AMPH: variants seen among roughly 807,000 people sequenced by gnomAD.
AMPH encodes the protein amphiphysin (Stiff-Mann syndrome with breast cancer 128kD autoantigen).
Under a neutral mutation model 99.1 loss-of-function variants are expected in AMPH, and 49 were observed. That is an observed-to-expected ratio of 0.49 (90% CI 0.39 to 0.63). The LOEUF is 0.63. Ranked by LOEUF, AMPH falls within the 20% of genes least tolerant of loss-of-function variation. AMPH has a pLI of 0.00. For missense variants in AMPH, 759 were observed against 863.4 expected (o/e 0.88, Z 1.52); for synonymous variants, 314 against 317.3 (o/e 0.99, Z 0.11).
chr7:38,537,768 A>G (rs1465507260), intron 1 of AMPH, among the ~76,000 whole-genome samples: 1 of 152,226 alleles, frequency 6.6e-6, no homozygotes, highest in East Asian at 1.9e-4. Flanking sequence ...AGCTATCAGG[A>G]AAGTGGTCCT....
intron 3 of AMPH, among the ~76,000 whole-genome samples, chr7:38,502,787 G>T (rs947290039): frequency 1.3e-5 from 2 of 152,084 alleles, no homozygotes; most frequent in Non-Finnish European, 1.5e-5. Flanking sequence ...TGAACCTGGT[G>T]CCATCCCTAC....
intron 17 of AMPH, among the ~76,000 whole-genome samples, chr7:38,402,254 A>T (rs997004942): frequency 6.6e-6 from 1 of 151,966 alleles, no homozygotes; most frequent in Non-Finnish European, 1.5e-5. Flanking sequence ...CTTGAGTTTT[A>T]CTGACAACAA....
chr7:38,431,727 C>T (rs1487677913), intron 13 of AMPH, among the ~76,000 whole-genome samples: 1 of 151,864 alleles, frequency 6.6e-6, no homozygotes, highest in Non-Finnish European at 1.5e-5. Flanking sequence ...GGACTAAAAT[C>T]CAGGGCTATC....
At chr7:38,433,705 A>T (rs1584085312) in intron 12 of AMPH, among the ~76,000 whole-genome samples, 1 of 55,216 alleles carries the variant, frequency 1.8e-5, no homozygotes, top group Non-Finnish European at 3.2e-5. Context: ...AGCCTGGGCA[A>T]CAGAGCGAGA....
chr7:38,573,881 T>G (rs1792136995), intron 1 of AMPH, among the ~76,000 whole-genome samples: 1 of 152,210 alleles, frequency 6.6e-6, no homozygotes, highest in South Asian at 2.1e-4. Context: ...CATTTAATTT[T>G]CATGACTGTC....
intron 1 of AMPH, among the ~76,000 whole-genome samples, chr7:38,617,067 C>T (rs972248686): frequency 4.6e-5 from 7 of 152,156 alleles, no homozygotes; most frequent in African/African-American, 1.4e-4. Context: ...TGAAGCTGTA[C>T]GGCTAAGATT....
intron 11 of AMPH, among the ~76,000 whole-genome samples, chr7:38,440,639 A>G (rs748856802): frequency 1.1e-4 from 17 of 152,332 alleles, no homozygotes; most frequent in Admixed American, 2.6e-4. Flanking sequence ...AAAAAACAGA[A>G]GTGGAGAAAT....
At chr7:38,508,881 T>G (rs555427687) in intron 2 of AMPH, among the ~76,000 whole-genome samples, 62 of 152,314 alleles carry the variant, frequency 4.1e-4, no homozygotes, top group Non-Finnish European at 7.2e-4. Flanking sequence ...GGAGATGAGA[T>G]TTAATGAGGC....
chr7:38,550,224 C>T (rs1489576092), intron 1 of AMPH, among the ~76,000 whole-genome samples: 2 of 152,248 alleles, frequency 1.3e-5, no homozygotes, highest in East Asian at 3.8e-4. Flanking sequence ...TGGGTCCTCA[C>T]ACCAGCATCA....
intron 5 of AMPH, 26 bp downstream of exon 5, chr7:38,491,024 C>T (rs1353681203): frequency 6.7e-7 from 1 of 1,488,824 alleles, no homozygotes; most frequent in East Asian, 2.3e-5. Context: ...CTCAATCCTT[C>T]CCTTTATAGA....
At chr7:38,571,386 A>G (rs1401030813) in intron 1 of AMPH, among the ~76,000 whole-genome samples, 2 of 76,840 alleles carry the variant, frequency 2.6e-5, no homozygotes, top group Non-Finnish European at 4.6e-5. Context: ...TTATATATTT[A>G]TATATATTCT....
intron 1 of AMPH, among the ~76,000 whole-genome samples, chr7:38,547,733 A>G (rs1238621710): frequency 2.0e-5 from 3 of 152,230 alleles, no homozygotes. Flanking sequence ...ACATCAATCA[A>G]TATGTGTAAT....
At chr7:38,408,238 T>C (rs1584050919) in intron 17 of AMPH, among the ~76,000 whole-genome samples, 1 of 152,196 alleles carries the variant, frequency 6.6e-6, no homozygotes, top group Non-Finnish European at 1.5e-5. Context: ...GGTTCCCAAG[T>C]GATGTTTGAC....
intron 2 of AMPH, among the ~76,000 whole-genome samples, chr7:38,504,643 C>T (rs1375756304): frequency 6.6e-6 from 1 of 152,160 alleles, no homozygotes; most frequent in East Asian, 1.9e-4. Flanking sequence ...GGCGTTTATC[C>T]AATATCTCCT....
intron 18 of AMPH, 140 bp from the exon 19 acceptor site, chr7:38,392,157 GGC>G: frequency 7.5e-6 from 6 of 797,460 alleles, no homozygotes; most frequent in Non-Finnish European, 9.8e-6. Context: ...CTCAGGTCTG[GGC>G]CTTCCGCTGT....
chr7:38,629,568 A>T (rs1015784040), intron 1 of AMPH, among the ~76,000 whole-genome samples: 3 of 152,216 alleles, frequency 2.0e-5, no homozygotes, highest in Admixed American at 2.0e-4. Flanking sequence ...TATTTTGAGC[A>T]TATTAACAGC....
At chr7:38,552,443 A>C (rs1332495054) in intron 1 of AMPH, among the ~76,000 whole-genome samples, 1 of 152,216 alleles carries the variant, frequency 6.6e-6, no homozygotes, top group Non-Finnish European at 1.5e-5. Context: ...TTAATACCCA[A>C]TTTATACAAC....
At chr7:38,436,141 T>C in intron 12 of AMPH, 131 bp downstream of exon 12, 1 of 674,230 alleles carries the variant, frequency 1.5e-6, no homozygotes. Flanking sequence ...CCCTCTTTCC[T>C]ATTAGGAAAT....
intron 12 of AMPH, among the ~76,000 whole-genome samples, 173 bp from the exon 13 acceptor site, chr7:38,432,385 T>A (rs7795048): frequency 0.026 from 3,938 of 152,280 alleles, 179 homozygotes; most frequent in African/African-American, 0.089. Context: ...TTATCCAGTA[T>A]GGTAGCCACC....
Sources: gnomAD v4.1 joint callset for allele counts (sites outside exome capture counted in the v4.1 genomes callset) on GRCh38, gnomAD v4.1.1 for gene constraint, MANE v1.5 for transcripts, NCBI Gene and HGNC (gene_info 2026-07-23, HGNC 2026-07-21) for gene names.